Variants in ROBO2 observed in about 807,000 individuals in gnomAD.
The protein encoded by ROBO2 is roundabout homolog 2.
In ROBO2, 53 loss-of-function variants were observed where a neutral mutation model predicts 160.8. The ratio of observed to expected loss-of-function variants is 0.33; its 90% confidence interval spans 0.26 to 0.41. The LOEUF is 0.41. Among genes scored for constraint, ROBO2 ranks in the 10% least tolerant of loss-of-function variants. ROBO2 has a pLI of 1.00. For synonymous variants in ROBO2, 664 were observed against 611.7 expected (o/e 1.09, Z -1.26); for missense variants, 1,577 against 1,722.4 (o/e 0.92, Z 1.49).
chr3:76,123,894 C>T (rs931815922), intron 2 of ROBO2, among the ~76,000 whole-genome samples: 4 of 152,006 alleles, frequency 2.6e-5, no homozygotes, highest in African/African-American at 7.2e-5. Context: ...TTTCCCCTTT[C>T]CCCTTTTTCT....
chr3:76,185,871 C>T lies in ROBO2; in HGVS notation c.109+248269C>T, dbSNP rs577215384. Among the ~76,000 whole-genome samples, 4 of 151,570 alleles carry T rather than the reference C, an allele frequency of 2.6e-5. No homozygotes were observed. In the East Asian group the frequency reaches 7.8e-4, roughly 29 times the overall value. On this transcript the variant is annotated intron_variant, in intron 2 of 26. Transcript: ENST00000487694. The stretch of plus-strand genomic sequence containing the variant: ...AAGATGTGTTAGTTTATTCAACAAA[C>T]TGATGGTGAGAAAATATTTGACTTT...
intron 2 of ROBO2, among the ~76,000 whole-genome samples, chr3:76,612,303 T>C (rs2088190838): frequency 6.6e-6 from 1 of 152,222 alleles, no homozygotes; most frequent in Admixed American, 6.5e-5. Flanking sequence ...ATCTGATGCT[T>C]CTTTGTTGAT....
At chr3:77,044,163 T>C (rs1361441114) in intron 1 of ROBO2, among the ~76,000 whole-genome samples, 1 of 149,992 alleles carries the variant, frequency 6.7e-6, no homozygotes, top group Admixed American at 6.6e-5. Context: ...AGCAAAAATA[T>C]TGTAAAAAAA....
intron 2 of ROBO2, among the ~76,000 whole-genome samples, chr3:76,147,749 T>A (rs2071973736): frequency 1.3e-5 from 2 of 151,226 alleles, no homozygotes; most frequent in South Asian, 4.2e-4. Flanking sequence ...TGGGCTGGAG[T>A]ATTATGGGGC....
intron 2 of ROBO2, among the ~76,000 whole-genome samples, chr3:76,456,914 TACTC>T (rs1454967745): frequency 1.3e-5 from 2 of 152,112 alleles, no homozygotes; most frequent in African/African-American, 2.4e-5. Flanking sequence ...TCGTGAGACT[TACTC>T]ACTATCACAA....
intron 2 of ROBO2, among the ~76,000 whole-genome samples, chr3:76,803,358 G>C (rs935447400): frequency 1.3e-5 from 2 of 151,644 alleles, no homozygotes; most frequent in African/African-American, 4.9e-5. Flanking sequence ...GGAGAAGCGG[G>C]AGGAGGAAGA....
chr3:76,288,807 C>T (rs1171546102), intron 2 of ROBO2, among the ~76,000 whole-genome samples: 1 of 152,122 alleles, frequency 6.6e-6, no homozygotes, highest in Non-Finnish European at 1.5e-5. Flanking sequence ...CGTGTTGCTG[C>T]AAAGGACATG....
At chr3:76,138,243 T>C (rs1457693222) in intron 2 of ROBO2, among the ~76,000 whole-genome samples, 1 of 152,040 alleles carries the variant, frequency 6.6e-6, no homozygotes, top group African/African-American at 2.4e-5. Flanking sequence ...AAAGCACTTT[T>C]ATGTTGCGCT....
chr3:76,237,704 G>C (rs941155221), intron 2 of ROBO2, among the ~76,000 whole-genome samples: 14 of 152,066 alleles, frequency 9.2e-5, no homozygotes, highest in African/African-American at 3.4e-4. Context: ...GCTAAGCTTG[G>C]TATCACCCAG....
At chr3:76,845,027 C>G (rs1417683384) in intron 2 of ROBO2, among the ~76,000 whole-genome samples, 1 of 151,874 alleles carries the variant, frequency 6.6e-6, no homozygotes, top group Non-Finnish European at 1.5e-5. Flanking sequence ...ATATTCTCTG[C>G]TGATCAAAAT....
At chr3:76,065,813 A>G (rs2068236080) in intron 2 of ROBO2, among the ~76,000 whole-genome samples, 1 of 150,904 alleles carries the variant, frequency 6.6e-6, no homozygotes, top group Non-Finnish European at 1.5e-5. Context: ...ATGTTGATTC[A>G]GTGAAGTGGT....
At chr3:77,434,351 A>C (rs543862726) in intron 2 of ROBO2, among the ~76,000 whole-genome samples, 1 of 152,146 alleles carries the variant, frequency 6.6e-6, no homozygotes, top group East Asian at 1.9e-4. Context: ...TCACAACTGT[A>C]ATTAAGTAAA....
intron 2 of ROBO2, among the ~76,000 whole-genome samples, chr3:77,275,431 G>A (rs1360795476): frequency 2.6e-5 from 4 of 152,114 alleles, no homozygotes; most frequent in Non-Finnish European, 5.9e-5. Flanking sequence ...AAAATTTAAT[G>A]AGCACATGTC....
intron 2 of ROBO2, among the ~76,000 whole-genome samples, chr3:77,296,772 G>T (rs954716173): frequency 2.0e-5 from 3 of 152,108 alleles, no homozygotes; most frequent in Admixed American, 6.6e-5. Flanking sequence ...GACAAAAGAG[G>T]AGGGACCTGG....
intron 2 of ROBO2, among the ~76,000 whole-genome samples, chr3:76,678,908 T>C (rs913538626): frequency 7.9e-5 from 12 of 152,178 alleles, no homozygotes; most frequent in African/African-American, 2.9e-4. Context: ...TATAGAAATA[T>C]AGGATGTCCT....
intron 1 of ROBO2, among the ~76,000 whole-genome samples, chr3:77,097,108 G>A (rs1487873780): frequency 6.6e-6 from 1 of 152,110 alleles, no homozygotes; most frequent in Non-Finnish European, 1.5e-5. Flanking sequence ...CCTGAGCATG[G>A]CACAAAGCCT....
chr3:76,948,909 T>TATATATATATATATATA (rs1553703171), intron 2 of ROBO2, among the ~76,000 whole-genome samples: 4 of 21,776 alleles, frequency 1.8e-4, no homozygotes, highest in Admixed American at 8.0e-4. Flanking sequence ...TATATATATA[T>TATATATATATATATATA]TTTTTTTTTT....
intron 23 of ROBO2, among the ~76,000 whole-genome samples, chr3:77,626,627 A>G (rs1025265329): frequency 5.3e-5 from 8 of 152,138 alleles, no homozygotes; most frequent in African/African-American, 1.7e-4. Context: ...AGTCAATGGT[A>G]ATTGTTTCCC....
chr3:76,085,383 C>A (rs2068977619), intron 2 of ROBO2, among the ~76,000 whole-genome samples: 1 of 152,092 alleles, frequency 6.6e-6, no homozygotes, highest in South Asian at 2.1e-4. Flanking sequence ...CAAGGAATCC[C>A]AGTTTTTGTT....
Sources: gnomAD v4.1 joint callset for allele counts (sites outside exome capture counted in the v4.1 genomes callset) on GRCh38, gnomAD v4.1.1 for gene constraint, MANE v1.5 for transcripts, NCBI Gene and HGNC (gene_info 2026-07-23, HGNC 2026-07-21) for gene names.